XKR6: variants seen among roughly 807,000 people sequenced by gnomAD.
XKR6 encodes the protein XK-related protein 6.
XKR6 carries 22 observed loss-of-function variants against 56.7 expected under a neutral mutation model. The ratio of observed to expected loss-of-function variants is 0.39; its 90% CI spans 0.28 to 0.55. The LOEUF (loss-of-function observed/expected upper bound fraction) is 0.55. Ranked by LOEUF, XKR6 falls within the 20% of genes least tolerant of loss-of-function variation. The pLI, the probability that XKR6 is intolerant of heterozygous loss-of-function variation, is 0.66. For missense variants in XKR6, 852 were observed against 889.0 expected, an observed-to-expected ratio of 0.96 and a Z score of 0.53; for synonymous variants, 524 against 387.8, an observed-to-expected ratio of 1.35 and a Z score of -4.13.
intron 1 of XKR6, among the ~76,000 whole-genome samples, chr8:11,156,647 C>A (rs1009212126): frequency 6.6e-6 from 1 of 152,016 alleles, no homozygotes; most frequent in Non-Finnish European, 1.5e-5. Flanking sequence ...TAGTAGACAC[C>A]CATTATCTAT....
At chr8:11,092,582 T>C (rs1473027653) in intron 1 of XKR6, among the ~76,000 whole-genome samples, 1 of 152,244 alleles carries the variant, frequency 6.6e-6, no homozygotes, top group East Asian at 1.9e-4. Flanking sequence ...AAAGAGAAAC[T>C]GCTGATCTCA....
intron 1 of XKR6, among the ~76,000 whole-genome samples, chr8:11,174,010 T>C (rs17726352): frequency 0.053 from 8,042 of 152,300 alleles, 234 homozygotes; most frequent in Middle Eastern, 0.065. Flanking sequence ...CATATCTGTA[T>C]TTTTCTCTGA....
In XKR6 at chr8:10,912,884, G is replaced by A. The variant is rs1271730632; in HGVS notation, c.961+11750C>T. On this transcript the variant is annotated intron_variant, in intron 2 of 2. Transcript: ENST00000416569. ...GTGTATAGATAGAGAGAAAGAGGGT[G>A]TGTGTGTTTATATATAAAGAGAGGG... is the stretch of plus-strand genomic sequence containing the variant. Among the ~76,000 whole-genome samples the A allele has an allele frequency of 4.0e-5, 6 of 150,806 alleles. No individual in the cohort carries two copies. The East Asian group carries it at 7.8e-4, about 20-fold the overall frequency.
At chr8:11,096,912 G>C (rs369797542) in intron 1 of XKR6, among the ~76,000 whole-genome samples, 2 of 152,216 alleles carry the variant, frequency 1.3e-5, no homozygotes, top group East Asian at 1.9e-4. Flanking sequence ...GAAGACATTT[G>C]GTTTCAGGAT....
Position 11,200,507 on chromosome 8 carries a change from C to G in XKR6, c.764+69G>C, listed in dbSNP as rs901501926. On this transcript the variant is annotated intron_variant, in intron 1 of 2. Transcript: ENST00000416569. The surrounding 1 kb of genome is among the most constrained non-coding windows in gnomAD (Gnocchi z 6.4). ...GCTGGGCCCTTTCGAGGGGCCGCCC[C>G]GCGAAGCACCGGGAGGGCGGAGGGG... is the stretch of plus-strand genomic sequence containing the variant. The G allele has an allele frequency of 1.8e-5, 25 of 1,376,500 alleles. No homozygotes were observed. The African/African-American group carries it at 3.6e-4, about 20-fold the overall frequency. The allele number at this position is 1,376,500 out of a possible 1,614,324, so 85.3% of individuals were successfully genotyped here.
chr8:11,092,237 T>A (rs1482703320), intron 1 of XKR6, among the ~76,000 whole-genome samples: 1 of 152,136 alleles, frequency 6.6e-6, no homozygotes, highest in African/African-American at 2.4e-5. Context: ...AACTCAAGAG[T>A]AAGAAATGTA....
rs1804134714 is a variant in XKR6, at chr8:11,200,287, C to T, written c.764+289G>A. 1.3e-5 allele frequency among the ~76,000 whole-genome samples: 2 copies of T among 152,214 alleles called. No individual in the cohort carries two copies. Among genetic ancestry groups the T allele is most frequent in the South Asian group, 4.1e-4 (2 of 4,836 alleles). On this transcript the variant is annotated intron_variant, in intron 1 of 2. Coordinates refer to ENST00000416569, the MANE Select transcript of XKR6 (RefSeq NM_173683.4). The surrounding 1 kb of genome is among the most constrained non-coding windows in gnomAD (Gnocchi z 6.4). ...GGCAGGGAAAAGGGACGCTTGGGAACGGAGCTCTGCAGAGGGGACGGGGAG... is the reference window on the plus strand; with the variant it reads ...GGCAGGGAAAAGGGACGCTTGGGAATGGAGCTCTGCAGAGGGGACGGGGAG...
intron 1 of XKR6, among the ~76,000 whole-genome samples, chr8:10,967,779 T>C (rs560435858): frequency 6.6e-6 from 1 of 152,174 alleles, no homozygotes; most frequent in African/African-American, 2.4e-5. Flanking sequence ...CTGCATTTGT[T>C]TTCCAGGAGG....
At chr8:10,958,317 G>A (rs114799538) in intron 1 of XKR6, among the ~76,000 whole-genome samples, 26,528 of 152,162 alleles carry the variant, frequency 0.17, 3,053 homozygotes, top group African/African-American at 0.33. Context: ...GGCTTGGGGA[G>A]CATGTGAGTC....
At chr8:11,007,697 C>G (rs1261580269) in intron 1 of XKR6, among the ~76,000 whole-genome samples, 2 of 152,148 alleles carry the variant, frequency 1.3e-5, no homozygotes, top group Non-Finnish European at 2.9e-5. Context: ...AAAAGGAAAT[C>G]TACCCAGATC....
rs528141403 is a variant in XKR6, at chr8:10,898,183, C to T, written c.1695G>A (p.Val565=). ...TADTCLPVFQ[V]RPMGPPTPLG... is the part of the protein sequence containing the mutation. ...ACGGGGTAGGGGGCCCCATGGGTCT[C>T]ACTTGGAAAACAGGCAAGCAAGTGT... Residue 565 remains valine, a synonymous_variant, in exon 3 of 3, where the codon GTG becomes GTA. Transcript: ENST00000416569. The surrounding 1 kb of genome is among the most constrained non-coding windows in gnomAD (Gnocchi z 6.6). The T allele has an allele frequency of 1.2e-6, 2 of 1,614,140 alleles. No individual in the cohort carries two copies. Among genetic ancestry groups the T allele is most frequent in the South Asian group, 2.2e-5 (2 of 91,084 alleles).
chr8:11,187,647 A>G (rs529377129), intron 1 of XKR6, among the ~76,000 whole-genome samples: 65 of 152,194 alleles, frequency 4.3e-4, no homozygotes, highest in Admixed American at 1.4e-3. Context: ...CCCTAAGAAA[A>G]ATCAGTCATA....
intron 1 of XKR6, among the ~76,000 whole-genome samples, chr8:11,116,840 C>G (rs531131668): frequency 6.6e-6 from 1 of 152,200 alleles, no homozygotes; most frequent in East Asian, 1.9e-4. Context: ...AGGTTACAGT[C>G]GACAACAACT....
chr8:11,029,106 C>T (rs1031026627), intron 1 of XKR6, among the ~76,000 whole-genome samples: 3 of 152,168 alleles, frequency 2.0e-5, no homozygotes, highest in Non-Finnish European at 2.9e-5. Flanking sequence ...AGTCCTGTGT[C>T]GTAGGCTCTG....
At chr8:11,192,616 T>G (rs1003203573) in intron 1 of XKR6, among the ~76,000 whole-genome samples, 3 of 151,958 alleles carry the variant, frequency 2.0e-5, no homozygotes, top group Non-Finnish European at 4.4e-5. Flanking sequence ...ATCTGTTTCT[T>G]TAGAAAAAAA....
At chr8:11,054,838 G>A (rs1011750791) in intron 1 of XKR6, among the ~76,000 whole-genome samples, 1 of 152,180 alleles carries the variant, frequency 6.6e-6, no homozygotes, top group Non-Finnish European at 1.5e-5. Flanking sequence ...GAGGAGGAGG[G>A]CCAGCCCACC....
Position 10,918,342 on chromosome 8 carries a change from G to C in XKR6, c.961+6292C>G, listed in dbSNP as rs563367701. ...GGAAGACTCAGGACATTTGCAAAAA[G>C]CCAAGTTCTGGGCAGAGACTTTGGG... On this transcript the variant is annotated intron_variant, in intron 2 of 2. Transcript: ENST00000416569. 1.3e-3 allele frequency among the ~76,000 whole-genome samples: 198 copies of C among 152,318 alleles called. 2 individuals carry two copies. Among genetic ancestry groups the C allele is most frequent in the African/African-American group, 4.7e-3 (194 of 41,574 alleles).
At chr8:10,903,722 G>T (rs907981569) in intron 2 of XKR6, among the ~76,000 whole-genome samples, 1 of 152,174 alleles carries the variant, frequency 6.6e-6, no homozygotes, top group Non-Finnish European at 1.5e-5. Context: ...AAGAAGACAG[G>T]CGTCTACAAT....
At chr8:11,015,082 G>A (rs940251196) in intron 1 of XKR6, among the ~76,000 whole-genome samples, 7 of 152,166 alleles carry the variant, frequency 4.6e-5, no homozygotes, top group Non-Finnish European at 8.8e-5. Flanking sequence ...ACTCATCTAC[G>A]ATCAGGGAAG....
Sources: gnomAD v4.1 joint callset for allele counts (sites outside exome capture counted in the v4.1 genomes callset) on GRCh38, gnomAD v4.1.1 for gene constraint, Gnocchi (gnomAD v3.1) non-coding constraint, MANE v1.5 for transcripts, NCBI Gene and HGNC (gene_info 2026-07-23, HGNC 2026-07-21) for gene names.